Variants in CNTN6 observed in about 807,000 individuals in gnomAD.
The protein encoded by CNTN6 is contactin 6.
Under a neutral mutation model 122.8 loss-of-function variants are expected in CNTN6, and 137 were observed. That is an observed-to-expected ratio of 1.12 (90% CI 0.97 to 1.29). The LOEUF (loss-of-function observed/expected upper bound fraction) is 1.29. Among genes scored for constraint, CNTN6 ranks in the 50% most tolerant of loss-of-function variants. The pLI is 0.00. For synonymous variants in CNTN6, 570 were observed against 426.0 expected, an observed-to-expected ratio of 1.34 and a Z score of -4.16; for missense variants, 1,634 against 1,223.4, an observed-to-expected ratio of 1.34 and a Z score of -5.01.
chr3:1,203,223 C>T (rs2093909830), intron 2 of CNTN6, among the ~76,000 whole-genome samples: 2 of 152,116 alleles, frequency 1.3e-5, no homozygotes, highest in Non-Finnish European at 2.9e-5. Context: ...GTTACAGACA[C>T]AGGCAAAACA....
chr3:1,312,926 G>A (rs1699596525), intron 7 of CNTN6, among the ~76,000 whole-genome samples: 1 of 151,472 alleles, frequency 6.6e-6, no homozygotes, highest in Non-Finnish European at 1.5e-5. Flanking sequence ...GTTTGATAGT[G>A]CTATAGCATG....
chr3:1,348,159 A>C (rs1357984702), intron 11 of CNTN6, among the ~76,000 whole-genome samples: 1 of 141,700 alleles, frequency 7.1e-6, no homozygotes, highest in African/African-American at 2.7e-5. Flanking sequence ...GCTATAGACA[A>C]AAAAAAAAAA....
chr3:1,335,800 A>G lies in CNTN6; in HGVS notation c.1364+5865A>G, dbSNP rs1198356640. Reference sequence around the variant, plus strand: ...TCCCAGCACTTTGGGAGGCCAAGGTAGAAGGACTGCTTGAGTTCAGGAGTT... The same window carrying G: ...TCCCAGCACTTTGGGAGGCCAAGGTGGAAGGACTGCTTGAGTTCAGGAGTT... On this transcript the variant is annotated intron_variant, in intron 11 of 22. Transcript: ENST00000446702. Among the ~76,000 whole-genome samples the G allele has an allele frequency of 2.0e-5, 3 of 152,098 alleles. No individual in the cohort carries two copies. The East Asian group carries it at 5.8e-4, about 29-fold the overall frequency.
intron 2 of CNTN6, among the ~76,000 whole-genome samples, chr3:1,159,859 C>A (rs2093082318): frequency 6.6e-6 from 1 of 151,826 alleles, no homozygotes. Flanking sequence ...CTTGCTCTGT[C>A]CCCCAGGCTG....
chr3:1,330,032 T>C (rs1180507561), intron 11 of CNTN6, 97 bp downstream of exon 11: 1 of 916,650 alleles, frequency 1.1e-6, no homozygotes, highest in Non-Finnish European at 1.5e-6. Context: ...TCCTCTTTTA[T>C]GATAAAGTCT....
At chr3:1,239,177 GAA>G (rs1488143264) in intron 4 of CNTN6, among the ~76,000 whole-genome samples, 1 of 152,100 alleles carries the variant, frequency 6.6e-6, no homozygotes. Context: ...AGAGCATTCA[GAA>G]AAGAGAAAGA....
intron 4 of CNTN6, among the ~76,000 whole-genome samples, chr3:1,264,994 A>T (rs951176374): frequency 2.0e-5 from 3 of 148,064 alleles, no homozygotes; most frequent in African/African-American, 5.0e-5. Context: ...TATTTTACTT[A>T]GCATAATGTC....
At chr3:1,338,461 G>C (rs552669579) in intron 11 of CNTN6, among the ~76,000 whole-genome samples, 5 of 152,214 alleles carry the variant, frequency 3.3e-5, no homozygotes, top group South Asian at 2.1e-4. Flanking sequence ...ACCTAGAGGA[G>C]CACTGGTTTG....
intron 4 of CNTN6, among the ~76,000 whole-genome samples, chr3:1,275,038 C>T (rs566850056): frequency 6.6e-6 from 1 of 152,302 alleles, no homozygotes; most frequent in East Asian, 1.9e-4. Flanking sequence ...AAAAACTCTG[C>T]AGTCCATCTT....
rs371063023 is a variant in CNTN6 at position 1,158,846 on chromosome 3, A to ATGTGTG, written c.55+10784_55+10785insGTGTGT. Among the ~76,000 whole-genome samples, 77 of 88,494 alleles carry ATGTGTG rather than the reference A, an allele frequency of 8.7e-4. 3 individuals carry two copies. Among genetic ancestry groups the ATGTGTG allele is most frequent in the African/African-American group, 3.8e-3 (70 of 18,184 alleles). 58.1% of individuals were successfully genotyped at this position (88,494 alleles called of 152,430 possible). On this transcript the variant is annotated intron_variant, in intron 2 of 22. Transcript: ENST00000446702. ...CACATATATATACACACACATATAT[A>ATGTGTG]TACATACATATATATACACACATAT...
Position 1,220,738 on chromosome 3 carries a change from T to C in CNTN6, c.107T>C (p.Ile36Thr). 6.2e-7 allele frequency: 1 copy of C among 1,613,194 alleles called. No homozygotes were observed. The highest frequency in any genetic ancestry group is 1.1e-5 in the South Asian group (1 of 90,976). Reference protein sequence around the residue: ...PIFTQEPHDVIFPLDLSKSEV... With the variant: ...PIFTQEPHDVTFPLDLSKSEV... ...TTTACTCAGGAGCCACATGATGTCA[T>C]TTTTCCTTTGGATTTATCAAAATCT... Residue 36 changes from isoleucine to threonine, a missense_variant, in exon 3 of 23, where the codon ATT becomes ACT. Ile to Thr is a moderately conservative substitution (Grantham distance 89). Transcript: ENST00000446702.
intron 1 of CNTN6, among the ~76,000 whole-genome samples, chr3:1,130,406 A>C (rs1228066249): frequency 6.6e-6 from 1 of 152,114 alleles, no homozygotes; most frequent in East Asian, 1.9e-4. Context: ...CCTCCAAGCA[A>C]GAAAAAGCAG....
intron 4 of CNTN6, among the ~76,000 whole-genome samples, chr3:1,239,132 T>C (rs183658087): frequency 1.3e-5 from 2 of 152,254 alleles, no homozygotes; most frequent in East Asian, 3.9e-4. Flanking sequence ...CCACTTTCAC[T>C]CCTTCTATTC....
chr3:1,171,535 G>C (rs1489065940), intron 2 of CNTN6, among the ~76,000 whole-genome samples: 2 of 151,448 alleles, frequency 1.3e-5, no homozygotes, highest in African/African-American at 4.8e-5. Context: ...ACCAACCCCC[G>C]GTTGTGACAA....
At chr3:1,372,601 A>G (rs1168153270) in intron 13 of CNTN6, 127 bp downstream of exon 13, 11 of 881,388 alleles carry the variant, frequency 1.2e-5, no homozygotes, top group South Asian at 9.8e-5. Context: ...TTGAAGCTAC[A>G]TTTGTTTTTG....
intron 7 of CNTN6, among the ~76,000 whole-genome samples, chr3:1,308,715 G>A (rs760139907): frequency 1.3e-5 from 2 of 151,924 alleles, no homozygotes; most frequent in Non-Finnish European, 2.9e-5. Context: ...TCCACACAGT[G>A]CTGTCCCATT....
chr3:1,206,870 A>T lies in CNTN6; in HGVS notation c.56-13817A>T, dbSNP rs191289894. The stretch of plus-strand genomic sequence containing the variant: ...CTTCTTTAATTTTAGATTCTAGTCC[A>T]TCACTCTCATAGGACACTCCTACAA... On this transcript the variant is annotated intron_variant, in intron 2 of 22. Coordinates refer to ENST00000446702, the MANE Select transcript of CNTN6 (RefSeq NM_001289080.2). Among the ~76,000 whole-genome samples the T allele has an allele frequency of 3.7e-3, 561 of 152,244 alleles. 3 individuals are homozygous for T. The highest frequency in any genetic ancestry group is 6.2e-3 in the Non-Finnish European group (423 of 67,994).
intron 2 of CNTN6, among the ~76,000 whole-genome samples, chr3:1,150,021 G>T (rs2092804567): frequency 6.6e-6 from 1 of 151,900 alleles, no homozygotes; most frequent in African/African-American, 2.4e-5. Flanking sequence ...ATATACCCTT[G>T]GTGCACAATT....
intron 11 of CNTN6, among the ~76,000 whole-genome samples, chr3:1,331,021 C>G (rs1702216765): frequency 6.6e-6 from 1 of 151,792 alleles, no homozygotes; most frequent in Non-Finnish European, 1.5e-5. Flanking sequence ...AATGAAGGGA[C>G]ATCATTTTAT....
Sources: gnomAD v4.1 joint callset for allele counts (sites outside exome capture counted in the v4.1 genomes callset) on GRCh38, gnomAD v4.1.1 for gene constraint, MANE v1.5 for transcripts, NCBI Gene and HGNC (gene_info 2026-07-23, HGNC 2026-07-21) for gene names.